The following LYRM7 variants were observed in gnomAD, a reference collection of about 807,000 sequenced individuals.
The protein encoded by LYRM7 is LYR motif containing 7, also known as complex III assembly factor LYRM7.
A neutral mutation model predicts 15.8 loss-of-function variants in LYRM7; 9 were observed. The ratio of observed to expected loss-of-function variants is 0.57; its 90% CI spans 0.34 to 0.99. LYRM7 has a LOEUF of 0.99. Among genes scored for constraint, LYRM7 ranks in the 50% least tolerant of loss-of-function variants. LYRM7 has a pLI of 0.02. For missense variants in LYRM7, 115 were observed against 119.1 expected (o/e 0.97, Z 0.16); for synonymous variants, 39 against 39.4 (o/e 0.99, Z 0.04).
At position 131,202,453 on chromosome 5, in the gene LYRM7, C is replaced by T. The variant is rs538056312; in HGVS notation, c.*2852C>T. On this transcript the variant is annotated 3_prime_UTR_variant, in exon 5 of 5. Coordinates refer to ENST00000379380, the MANE Select transcript of LYRM7 (RefSeq NM_181705.4). ...AGGTTGTGGTGAGCTAAGATTGTGC[C>T]ACTGCACTCCAGCCTGAGAGAACAA... 6.6e-6 allele frequency: 1 copy of T among 152,172 alleles called. No individual in the cohort carries two copies. The highest frequency in any genetic ancestry group is 6.5e-5 in the Admixed American group (1 of 15,280). 9.4% of individuals were successfully genotyped at this position (152,172 alleles called of 1,614,324 possible). A position where few individuals can be genotyped will look rare whatever the true frequency, so the allele number is the denominator to read the frequency against.
At chr5:131,187,766 A>G (rs1283597815) in intron 4 of LYRM7, among the ~76,000 whole-genome samples, 2 of 152,092 alleles carry the variant, frequency 1.3e-5, no homozygotes, top group African/African-American at 4.8e-5. Context: ...TATTACATGC[A>G]TGAGCCATTG....
At chr5:131,199,112 T>C (rs1400683018) in intron 4 of LYRM7, among the ~76,000 whole-genome samples, 1 of 152,178 alleles carries the variant, frequency 6.6e-6, no homozygotes, top group African/African-American at 2.4e-5. Flanking sequence ...AACACCCTCT[T>C]TTAAGAACAA....
chr5:131,171,877 C>T (rs1055358948), intron 1 of LYRM7: 1 of 152,172 alleles, frequency 6.6e-6, no homozygotes, highest in African/African-American at 2.4e-5. Flanking sequence ...AACAGAATTG[C>T]TCAGGGTTAT....
At chr5:131,178,042 A>G (rs1486594202) in intron 1 of LYRM7, among the ~76,000 whole-genome samples, 2 of 152,120 alleles carry the variant, frequency 1.3e-5, no homozygotes, top group Non-Finnish European at 2.9e-5. Flanking sequence ...CATTGATGTT[A>G]TTCCATCTCT....
chr5:131,194,355 A>G (rs1323996521), intron 4 of LYRM7, among the ~76,000 whole-genome samples: 3 of 152,184 alleles, frequency 2.0e-5, no homozygotes, highest in Admixed American at 2.0e-4. Flanking sequence ...CAATAAGGTG[A>G]ATTGGGTAAA....
intron 2 of LYRM7, among the ~76,000 whole-genome samples, chr5:131,181,478 A>G (rs1246678537): frequency 2.3e-5 from 3 of 128,160 alleles, no homozygotes; most frequent in Non-Finnish European, 4.8e-5. Flanking sequence ...TATATATATA[A>G]CATATATATG....
chr5:131,189,306 GGTGGT>G (rs1755847514), intron 4 of LYRM7, among the ~76,000 whole-genome samples: 1 of 151,998 alleles, frequency 6.6e-6, no homozygotes, highest in African/African-American at 2.4e-5. Flanking sequence ...AGCCAGGCAT[GGTGGT>G]GGGCACCTAT....
At chr5:131,197,760 G>A (rs1458556243) in intron 4 of LYRM7, among the ~76,000 whole-genome samples, 2 of 150,920 alleles carry the variant, frequency 1.3e-5, no homozygotes, top group African/African-American at 2.4e-5. Flanking sequence ...TCCCAAGCTG[G>A]TCTCAAACTC....
At chr5:131,187,132 G>A (rs1205318506) in intron 4 of LYRM7, 23 bp downstream of exon 4, 5 of 1,251,530 alleles carry the variant, frequency 4.0e-6, no homozygotes, top group Admixed American at 2.2e-5. Flanking sequence ...AAAGAAAAAT[G>A]GTTTCTAACT....
rs775237632 is a variant in LYRM7, at chr5:131,199,595, G to A, written c.309G>A (p.Lys103=). 34 of 1,597,910 alleles carry A rather than the reference G, an allele frequency of 2.1e-5. No homozygotes were observed. Among genetic ancestry groups the A allele is most frequent in the Non-Finnish European group, 2.9e-5 (34 of 1,171,434 alleles). The change falls in exon 5 of 5, where the codon AAG becomes AAA. Residue 103 remains lysine, a synonymous_variant. Transcript: ENST00000379380. ...NVPYCDAPTQ[K]Q ...CATATTGTGATGCACCAACTCAGAA[G>A]CAATGAGTTTTCTAGAATACAACAA...
intron 2 of LYRM7, among the ~76,000 whole-genome samples, chr5:131,181,298 A>ATAT (rs1407868796): frequency 7.8e-5 from 1 of 12,830 alleles, no homozygotes; most frequent in Non-Finnish European, 1.9e-4. Context: ...AAAAAAAAAA[A>ATAT]AAAAATATAT....
chr5:131,172,191 A>C (rs902643462), intron 1 of LYRM7, among the ~76,000 whole-genome samples: 2 of 152,222 alleles, frequency 1.3e-5, no homozygotes, highest in Non-Finnish European at 2.9e-5. Context: ...AGGCGAGAGG[A>C]TCACATGAGG....
Position 131,182,209 on chromosome 5 carries a change from A to C in LYRM7, c.92-20A>C. 2 of 1,399,258 alleles carry C rather than the reference A, an allele frequency of 1.4e-6. No individual in the cohort carries two copies. The highest frequency in any genetic ancestry group is 1.9e-6 in the Non-Finnish European group (2 of 1,035,130). 86.7% of individuals were successfully genotyped at this position (1,399,258 alleles called of 1,614,324 possible). A position where few individuals can be genotyped will look rare whatever the true frequency, so the allele number is the denominator to read the frequency against. On this transcript the variant is annotated intron_variant, in intron 2 of 4. Coordinates refer to ENST00000379380, the MANE Select transcript of LYRM7 (RefSeq NM_181705.4). ...ATAGATTACAAAAGCGAATAACTAT[A>C]TGTATTTTTCTCTTTGTAGCAGCCA...
chr5:131,181,396 A>ATT (rs1203263124), intron 2 of LYRM7, among the ~76,000 whole-genome samples: 1 of 90,832 alleles, frequency 1.1e-5, no homozygotes, highest in Admixed American at 1.3e-4. Flanking sequence ...ATACATATAT[A>ATT]TTATATATAC....
Position 131,187,008 on chromosome 5 carries a change from T to C in LYRM7, c.163-20T>C. On this transcript the variant is annotated intron_variant, in intron 3 of 4. Coordinates refer to ENST00000379380, the MANE Select transcript of LYRM7 (RefSeq NM_181705.4). ...GAAACACCTAAAGGACTTACTCTATTTGTTTGGTTTTCTTAACAGCTAATG... is the reference window on the plus strand; with the variant it reads ...GAAACACCTAAAGGACTTACTCTATCTGTTTGGTTTTCTTAACAGCTAATG... 1.5e-6 allele frequency: 2 copies of C among 1,363,186 alleles called. No homozygotes were observed. Among genetic ancestry groups the C allele is most frequent in the Non-Finnish European group, 2.1e-6 (2 of 974,054 alleles). 84.4% of individuals were successfully genotyped at this position (1,363,186 alleles called of 1,614,324 possible). A position where few individuals can be genotyped will look rare whatever the true frequency, so the allele number is the denominator to read the frequency against.
intron 2 of LYRM7, among the ~76,000 whole-genome samples, chr5:131,180,594 G>C (rs555581035): frequency 6.6e-6 from 1 of 152,094 alleles, no homozygotes. Context: ...GTTTTAAGTA[G>C]TTTCTATCTT....
chr5:131,175,749 G>T (rs544941947), intron 1 of LYRM7, among the ~76,000 whole-genome samples: 1,585 of 151,110 alleles, frequency 0.01, 30 homozygotes, highest in African/African-American at 0.037. Flanking sequence ...TGCCCAGGCT[G>T]GTTTTGTTTT....
In LYRM7 at chr5:131,187,106, CTGAG is replaced by C. The variant is rs758515423; in HGVS notation, c.243_244+2del. 3.3e-6 allele frequency: 5 copies of C among 1,495,162 alleles called. No homozygotes were observed. The highest frequency in any genetic ancestry group is 1.2e-5 in the South Asian group (1 of 81,688). The allele number at this position is 1,495,162 out of a possible 1,614,324, so 92.6% of individuals were successfully genotyped here. On this transcript the variant is annotated splice_donor_variant and coding_sequence_variant, in exon 4 of 5. Coordinates refer to ENST00000379380, the MANE Select transcript of LYRM7 (RefSeq NM_181705.4). LOFTEE classifies it high-confidence loss of function. ...AGGTATTCACACAGACCACAATACA[CTGAG>C]TAAGTAAAATTAAAGAAAAATGGTT...
intron 1 of LYRM7, among the ~76,000 whole-genome samples, chr5:131,172,086 T>C (rs1262393479): frequency 6.6e-6 from 1 of 152,196 alleles, no homozygotes; most frequent in Non-Finnish European, 1.5e-5. Context: ...GAAACTGCAG[T>C]GTTTTGTGAG....
Sources: allele counts gnomAD v4.1 joint callset (sites outside exome capture counted in the v4.1 genomes callset), GRCh38; gene constraint gnomAD v4.1.1; transcripts MANE v1.5; gene names NCBI Gene and HGNC (gene_info 2026-07-23, HGNC 2026-07-21).